Variants in ARHGAP29 observed in about 807,000 individuals in gnomAD.
The protein encoded by ARHGAP29 is rho GTPase-activating protein 29.
In ARHGAP29, 43 loss-of-function variants were observed where a neutral mutation model predicts 122.6. That is an observed-to-expected ratio of 0.35 (90% confidence interval 0.27 to 0.45). The LOEUF (loss-of-function observed/expected upper bound fraction) is 0.45. Ranked by LOEUF, ARHGAP29 falls within the 20% of genes least tolerant of loss-of-function variation. The pLI is 1.00. For synonymous variants in ARHGAP29, 506 were observed against 497.1 expected, an observed-to-expected ratio of 1.02 and a Z score of -0.24; for missense variants, 1,303 against 1,477.2, an observed-to-expected ratio of 0.88 and a Z score of 1.93.
chr1:94,212,346 A>G (rs1651685652), intron 3 of ARHGAP29, among the ~76,000 whole-genome samples: 1 of 152,238 alleles, frequency 6.6e-6, no homozygotes, highest in African/African-American at 2.4e-5. Flanking sequence ...AGATACAGGT[A>G]GAATGATGAC....
At chr1:94,240,309 T>A (rs956682839), upstream of ARHGAP29, among the ~76,000 whole-genome samples, 1 of 152,142 alleles carries the variant, frequency 6.6e-6, no homozygotes, top group African/African-American at 2.4e-5. Flanking sequence ...CTTAAACCTT[T>A]AAAAAAATAC....
intron 1 of ARHGAP29, among the ~76,000 whole-genome samples, chr1:94,243,126 A>G (rs1653663218): frequency 6.6e-6 from 1 of 152,114 alleles, no homozygotes; most frequent in Non-Finnish European, 1.5e-5. Context: ...TCTCTCAGTA[A>G]TTGATAGAAT....
At position 94,247,630 on chromosome 1, in the gene ARHGAP29, C is replaced by G. The variant is rs1243855276; in HGVS notation, c.-32-15987G>C. On this transcript the variant is annotated intron_variant and NMD_transcript_variant, in intron 1 of 25. Coordinates refer to the ARHGAP29 transcript ENST00000552844. ...CCACACCTACGGCCGCCGCCACCGC[C>G]GAGGGCTGGAGCTCGCCGCCCCCAT... Among the ~76,000 whole-genome samples, 4 of 151,702 alleles carry G rather than the reference C, an allele frequency of 2.6e-5. No individual in the cohort carries two copies. In the East Asian group the frequency reaches 7.8e-4, roughly 29 times the overall value.
chr1:94,190,084 C>A lies in ARHGAP29; in HGVS notation c.1282-1G>T. On this transcript the variant is annotated splice_acceptor_variant, in intron 12 of 22. Transcript: ENST00000260526. LOFTEE classifies it high-confidence loss of function. ...GCATGTGGAAGAGGTTAACTGTTACCTATGGACCCAGAGACAAAAGGCAGA... is the reference window on the plus strand; with the variant it reads ...GCATGTGGAAGAGGTTAACTGTTACATATGGACCCAGAGACAAAAGGCAGA... 6.2e-7 allele frequency: 1 copy of A among 1,612,282 alleles called. No individual in the cohort carries two copies. Among genetic ancestry groups the A allele is most frequent in the Non-Finnish European group, 8.5e-7 (1 of 1,179,092 alleles).
chr1:94,207,575 C>T (rs1362204038), intron 5 of ARHGAP29, among the ~76,000 whole-genome samples: 1 of 152,064 alleles, frequency 6.6e-6, no homozygotes, highest in Non-Finnish European at 1.5e-5. Flanking sequence ...GTGTAATCTT[C>T]TGAAGTAGTA....
intron 3 of ARHGAP29, among the ~76,000 whole-genome samples, chr1:94,210,588 A>G (rs1394341097): frequency 6.6e-6 from 1 of 152,146 alleles, no homozygotes; most frequent in Non-Finnish European, 1.5e-5. Flanking sequence ...AGATTCTTCT[A>G]AATATCACTG....
At chr1:94,217,883 C>CA (rs1652050223) in intron 3 of ARHGAP29, among the ~76,000 whole-genome samples, 1 of 151,100 alleles carries the variant, frequency 6.6e-6, no homozygotes, top group African/African-American at 2.4e-5. Context: ...ACTGAAACCT[C>CA]AAATAATATA....
chr1:94,234,106 T>C (rs1465540106), intron 1 of ARHGAP29, among the ~76,000 whole-genome samples: 1 of 152,194 alleles, frequency 6.6e-6, no homozygotes, highest in Non-Finnish European at 1.5e-5. Context: ...AGATGTTCCA[T>C]AGTATCCTCT....
chr1:94,297,443 T>TA, the ARHGAP29 span, among the ~76,000 whole-genome samples: 1 of 152,172 alleles, frequency 6.6e-6, no homozygotes, highest in Non-Finnish European at 1.5e-5. Context: ...AGCTGGGCAC[T>TA]ATGCAAACTG....
the ARHGAP29 span, among the ~76,000 whole-genome samples, chr1:94,293,907 C>T: frequency 6.6e-6 from 1 of 152,198 alleles, no homozygotes; most frequent in Non-Finnish European, 1.5e-5. Context: ...TTCAGCCCCT[C>T]TCCCCTCTCC....
chr1:94,276,207 G>A (rs1038997344), upstream of ARHGAP29, among the ~76,000 whole-genome samples: 25 of 151,576 alleles, frequency 1.6e-4, no homozygotes, highest in Non-Finnish European at 8.8e-5. Flanking sequence ...GCAGTGAGCT[G>A]AGATCACACC....
chr1:94,182,595 A>T (rs1649546931), intron 19 of ARHGAP29, among the ~76,000 whole-genome samples: 1 of 152,170 alleles, frequency 6.6e-6, no homozygotes, highest in Non-Finnish European at 1.5e-5. Flanking sequence ...AGAAATGAGA[A>T]GGATTTCAGG....
At chr1:94,191,810 T>C (rs938086351) in intron 12 of ARHGAP29, 1 of 152,222 alleles carries the variant, frequency 6.6e-6, no homozygotes, top group Non-Finnish European at 1.5e-5. Context: ...AATGGCAATA[T>C]GACTGGTCCA....
chr1:94,217,261 C>T (rs755000513), intron 3 of ARHGAP29, among the ~76,000 whole-genome samples: 7 of 151,988 alleles, frequency 4.6e-5, no homozygotes, highest in Non-Finnish European at 8.8e-5. Flanking sequence ...GGGCCGGGAG[C>T]GGTGGCTCAT....
chr1:94,205,178 G>A lies in ARHGAP29; in HGVS notation c.580C>T (p.Leu194=). ...GTGTTCTTTAACAGCACGTTGTCTAGTTCTAAAGGGGAAAAATTTCCTGAA... is the reference window on the plus strand; with the variant it reads ...GTGTTCTTTAACAGCACGTTGTCTAATTCTAAAGGGGAAAAATTTCCTGAA... ...SEKGNFSPLE[L]DNVLLKNTDS... The change falls in exon 7 of 23, where the codon CTA becomes TTA. Residue 194 remains leucine (L), a synonymous_variant. Transcript: ENST00000260526. 6.3e-7 allele frequency: 1 copy of A among 1,587,630 alleles called. No homozygotes were observed. The highest frequency in any genetic ancestry group is 8.5e-7 in the Non-Finnish European group (1 of 1,171,172).
At chr1:94,272,187 G>A (rs1273479724) in intron 1 of ARHGAP29, among the ~76,000 whole-genome samples, 12 of 152,214 alleles carry the variant, frequency 7.9e-5, no homozygotes, top group Non-Finnish European at 1.8e-4. Flanking sequence ...TGAAGTAAAG[G>A]TTGAGGGTAA....
chr1:94,177,380 C>G (rs1444224865), intron 22 of ARHGAP29: 2 of 352,136 alleles, frequency 5.7e-6, no homozygotes, highest in Non-Finnish European at 1.0e-5. Context: ...ACACAAAAAA[C>G]ATTATAAACT....
rs144120767 is a variant in ARHGAP29, at chr1:94,221,021, A to G, written c.206-629T>C. Among the ~76,000 whole-genome samples, 54 of 152,306 alleles carry G rather than the reference A, an allele frequency of 3.5e-4. 1 individual carries two copies. In the East Asian group the frequency reaches 9.3e-3, roughly 26 times the overall value. On this transcript the variant is annotated intron_variant, in intron 2 of 22. Transcript: ENST00000260526. Reference sequence around the variant, plus strand: ...AGAGCAGTGCTGCTCTCTTAGATAGATGAGTTTCTTCTCAGTGCTCATTCA... The same window carrying G: ...AGAGCAGTGCTGCTCTCTTAGATAGGTGAGTTTCTTCTCAGTGCTCATTCA...
intron 1 of ARHGAP29, among the ~76,000 whole-genome samples, chr1:94,247,423 C>A (rs1402798688): frequency 6.6e-6 from 1 of 151,802 alleles, no homozygotes; most frequent in African/African-American, 2.4e-5. Context: ...CGCGTCCTCT[C>A]GCTCGTCCGC....
Sources: gnomAD v4.1 joint callset for allele counts (sites outside exome capture counted in the v4.1 genomes callset) on GRCh38, gnomAD v4.1.1 for gene constraint, MANE v1.5 for transcripts, NCBI Gene and HGNC (gene_info 2026-07-23, HGNC 2026-07-21) for gene names.